Variants in ITGA9 observed in about 807,000 individuals in gnomAD.
ITGA9 encodes the protein integrin subunit alpha 9.
ITGA9 carries 56 observed loss-of-function variants against 127.8 expected under a neutral mutation model. The ratio of observed to expected loss-of-function variants is 0.44; its 90% confidence interval spans 0.35 to 0.55. ITGA9 has a LOEUF of 0.55. Ranked by LOEUF, ITGA9 falls within the 20% of genes least tolerant of loss-of-function variation. The pLI is 0.00. For missense variants in ITGA9, 1,196 were observed against 1,347.1 expected, an observed-to-expected ratio of 0.89 and a Z score of 1.76; for synonymous variants, 508 against 514.5, an observed-to-expected ratio of 0.99 and a Z score of 0.17.
chr3:37,677,717 A>C (rs1358796382), intron 17 of ITGA9, among the ~76,000 whole-genome samples: 1 of 152,172 alleles, frequency 6.6e-6, no homozygotes, highest in Non-Finnish European at 1.5e-5. Context: ...AAGTCATTTA[A>C]CTGTCTGCCT....
At chr3:37,675,944 A>G (rs1450501942) in intron 17 of ITGA9, among the ~76,000 whole-genome samples, 4 of 151,982 alleles carry the variant, frequency 2.6e-5, no homozygotes, top group Non-Finnish European at 4.4e-5. Context: ...GGGTTTCACC[A>G]TGTTGGCCAG....
At chr3:37,601,960 G>A (rs1699926491) in intron 15 of ITGA9, among the ~76,000 whole-genome samples, 1 of 152,188 alleles carries the variant, frequency 6.6e-6, no homozygotes, top group Admixed American at 6.5e-5. Context: ...AGATCACATG[G>A]TGAGAGAGGA....
intron 1 of ITGA9, among the ~76,000 whole-genome samples, chr3:37,453,439 A>G (rs537169818): frequency 2.6e-5 from 4 of 152,204 alleles, no homozygotes; most frequent in African/African-American, 9.6e-5. Flanking sequence ...CTTGTGCCCA[A>G]CCCCAGCAGA....
chr3:37,576,771 A>T (rs1699658118), intron 15 of ITGA9, among the ~76,000 whole-genome samples: 1 of 152,094 alleles, frequency 6.6e-6, no homozygotes, highest in Non-Finnish European at 1.5e-5. Context: ...TGCCTGCCTA[A>T]TTTTTTGCAT....
rs1209961244 is a variant in ITGA9 at position 37,806,933 on chromosome 3, T to C, written c.3009+2991T>C. On this transcript the variant is annotated intron_variant, in intron 27 of 27. Coordinates refer to ENST00000264741, the MANE Select transcript of ITGA9 (RefSeq NM_002207.3). This position sits in a 1 kb window ranked among gnomAD's most constrained non-coding sequence, Gnocchi z 4.3. Reference sequence around the variant, plus strand: ...AGGCACTGGGATGCAGCAATAACTGTGCCCTTCCCTGCACTTGACCGCCTC... The same window carrying C: ...AGGCACTGGGATGCAGCAATAACTGCGCCCTTCCCTGCACTTGACCGCCTC... 6.6e-6 allele frequency: 1 copy of C among 152,216 alleles called. No individual in the cohort carries two copies. Among genetic ancestry groups the C allele is most frequent in the East Asian group, 1.9e-4 (1 of 5,184 alleles). 9.4% of individuals were successfully genotyped at this position (152,216 alleles called of 1,614,324 possible).
intron 9 of ITGA9, among the ~76,000 whole-genome samples, chr3:37,517,183 G>A (rs1217973953): frequency 6.6e-6 from 1 of 152,226 alleles, no homozygotes; most frequent in Non-Finnish European, 1.5e-5. Context: ...AGCACATGGG[G>A]GAAAGGTGGG....
At chr3:37,595,075 T>C (rs937650111) in intron 15 of ITGA9, among the ~76,000 whole-genome samples, 1 of 152,104 alleles carries the variant, frequency 6.6e-6, no homozygotes, top group African/African-American at 2.4e-5. Flanking sequence ...GAAGATCCGC[T>C]TCCTTGTTTT....
chr3:37,646,337 C>T (rs368664928), intron 16 of ITGA9, among the ~76,000 whole-genome samples: 1 of 152,140 alleles, frequency 6.6e-6, no homozygotes, highest in Middle Eastern at 3.2e-3. Context: ...AAAAAGTTGC[C>T]AGCCTTGTTC....
chr3:37,524,765 G>A (rs181748116), intron 12 of ITGA9, among the ~76,000 whole-genome samples: 8 of 152,304 alleles, frequency 5.3e-5, no homozygotes, highest in South Asian at 4.1e-4. Flanking sequence ...TGCAGTGCAC[G>A]GGGATCCATG....
chr3:37,681,906 T>C (rs913579889), intron 17 of ITGA9, among the ~76,000 whole-genome samples: 2 of 152,026 alleles, frequency 1.3e-5, no homozygotes, highest in African/African-American at 4.8e-5. Context: ...CACTACAAAA[T>C]AGAAGCAATC....
chr3:37,544,314 C>T (rs1699305250), intron 15 of ITGA9, among the ~76,000 whole-genome samples: 1 of 152,142 alleles, frequency 6.6e-6, no homozygotes, highest in Non-Finnish European at 1.5e-5. Context: ...GGGGTTGGTC[C>T]TGCTACTTTC....
intron 11 of ITGA9, among the ~76,000 whole-genome samples, chr3:37,520,370 T>C (rs1166265586): frequency 6.6e-6 from 1 of 152,184 alleles, no homozygotes; most frequent in Non-Finnish European, 1.5e-5. Context: ...GCAGCAGCCA[T>C]GTAAGATGGG....
chr3:37,627,778 A>AT (rs142183388), intron 15 of ITGA9, among the ~76,000 whole-genome samples: 2,055 of 152,292 alleles, frequency 0.013, 49 homozygotes, highest in African/African-American at 0.046. Flanking sequence ...ATATAGTGAC[A>AT]TGCTGTATGT....
chr3:37,813,018 A>C (rs994769724), intron 27 of ITGA9, among the ~76,000 whole-genome samples: 7 of 152,222 alleles, frequency 4.6e-5, no homozygotes, highest in Non-Finnish European at 1.0e-4. Flanking sequence ...GCGGGTGTGT[A>C]TGTCTGAAGG....
Position 37,785,027 on chromosome 3 carries a change from T to C in ITGA9, c.2838T>C (p.Asp946=). The change falls in exon 26 of 28, where the codon GAT becomes GAC. Residue 946 remains aspartate, a synonymous_variant. Transcript: ENST00000264741. ...TGTCCCGCGCCAAGGTGAAGGTGGATCCTGCCCTAAGGGTGGTGGAAATAG... is the reference window on the plus strand; with the variant it reads ...TGTCCCGCGCCAAGGTGAAGGTGGACCCTGCCCTAAGGGTGGTGGAAATAG... ...QFMSRAKVKV[D]PALRVVEIAH... The C allele has an allele frequency of 6.2e-7, 1 of 1,614,128 alleles. No homozygotes were observed. The highest frequency in any genetic ancestry group is 1.1e-5 in the South Asian group (1 of 91,078).
chr3:37,797,677 G>A (rs576334474), intron 26 of ITGA9, among the ~76,000 whole-genome samples: 4 of 152,278 alleles, frequency 2.6e-5, no homozygotes, highest in South Asian at 2.1e-4. Flanking sequence ...GGTTCCTACT[G>A]TATTGCTGCA....
chr3:37,639,430 A>C (rs1295434772), intron 16 of ITGA9, among the ~76,000 whole-genome samples: 1 of 152,204 alleles, frequency 6.6e-6, no homozygotes, highest in Non-Finnish European at 1.5e-5. Context: ...GAAAAGGAGA[A>C]TTGGCCAGAG....
intron 17 of ITGA9, among the ~76,000 whole-genome samples, chr3:37,661,184 G>A (rs1157635781): frequency 6.6e-6 from 1 of 152,218 alleles, no homozygotes; most frequent in Non-Finnish European, 1.5e-5. Flanking sequence ...CTCTTATCCT[G>A]ATGCCTTGTT....
intron 18 of ITGA9, among the ~76,000 whole-genome samples, chr3:37,718,663 C>T (rs1219906504): frequency 6.6e-6 from 1 of 152,148 alleles, no homozygotes; most frequent in Non-Finnish European, 1.5e-5. Context: ...CTGCAATCTG[C>T]ATCTTTAACA....
Sources: allele counts gnomAD v4.1 joint callset (sites outside exome capture counted in the v4.1 genomes callset), GRCh38; gene constraint gnomAD v4.1.1; non-coding constraint Gnocchi (gnomAD v3.1); transcripts MANE v1.5; gene names NCBI Gene and HGNC (gene_info 2026-07-23, HGNC 2026-07-21).